The following ASIC2 variants were observed in gnomAD, a reference collection of about 807,000 sequenced individuals.
The protein encoded by ASIC2 is acid sensing ion channel subunit 2, also known as acid-sensing ion channel 2.
A neutral mutation model predicts 57.3 loss-of-function variants in ASIC2; 25 were observed. The observed-to-expected ratio is 0.44, with a 90% confidence interval of 0.32 to 0.61. The LOEUF is 0.61. Among genes scored for constraint, ASIC2 ranks in the 20% least tolerant of loss-of-function variants. ASIC2 has a pLI of 0.06. For synonymous variants in ASIC2, 319 were observed against 307.5 expected, an observed-to-expected ratio of 1.04 and a Z score of -0.39; for missense variants, 641 against 738.1, an observed-to-expected ratio of 0.87 and a Z score of 1.52.
chr17:33,929,228 C>T (rs772361345), intron 1 of ASIC2, among the ~76,000 whole-genome samples: 17 of 152,126 alleles, frequency 1.1e-4, no homozygotes, highest in Non-Finnish European at 7.3e-5. Context: ...CCAGTTAGCT[C>T]GCCAGCCCCT....
At position 33,285,786 on chromosome 17, in the gene ASIC2, A is replaced by G. The variant is rs138290428; in HGVS notation, c.708+5622T>C. ...ATGCTCCCAGCACTGCAGTTCACCC[A>G]TTTATAAAATGTAGATTTTCACACA... On this transcript the variant is annotated intron_variant, in intron 1 of 9. Transcript: ENST00000225823. 5.7e-3 allele frequency among the ~76,000 whole-genome samples: 868 copies of G among 152,340 alleles called. 8 individuals are homozygous for G. The highest frequency in any genetic ancestry group is 0.02 in the African/African-American group (842 of 41,586).
At chr17:33,679,905 C>A (rs1296360570) in intron 1 of ASIC2, among the ~76,000 whole-genome samples, 1 of 152,104 alleles carries the variant, frequency 6.6e-6, no homozygotes, top group African/African-American at 2.4e-5. Context: ...GGCTCATGGT[C>A]TCTAGAAAAC....
intron 1 of ASIC2, among the ~76,000 whole-genome samples, chr17:33,722,301 C>T (rs908130696): frequency 3.3e-5 from 5 of 152,194 alleles, no homozygotes; most frequent in African/African-American, 9.7e-5. Context: ...GATTGTGAGG[C>T]CTCCCCAGCC....
chr17:33,459,302 C>T (rs982624715), intron 1 of ASIC2, among the ~76,000 whole-genome samples: 4 of 151,986 alleles, frequency 2.6e-5, no homozygotes, highest in Non-Finnish European at 5.9e-5. Context: ...GTGTGGTTGC[C>T]GAGTACTGTG....
chr17:33,298,183 G>A (rs1474310533), upstream of ASIC2, among the ~76,000 whole-genome samples: 1 of 151,870 alleles, frequency 6.6e-6, no homozygotes, highest in Admixed American at 6.6e-5. Flanking sequence ...TGTTACATAC[G>A]TATACATGTG....
rs187022666 is a variant in ASIC2 at position 33,881,748 on chromosome 17, G to T, written c.555+274230C>A. On this transcript the variant is annotated intron_variant, in intron 1 of 9. Transcript: ENST00000359872. Reference sequence around the variant, plus strand: ...GCTCAATGACTTTCTTCACAGAATTGGAAAAAACTACTTTAAAGTTCATAT... The same window carrying T: ...GCTCAATGACTTTCTTCACAGAATTTGAAAAAACTACTTTAAAGTTCATAT... Among the ~76,000 whole-genome samples the T allele has an allele frequency of 2.4e-3, 332 of 139,938 alleles. 1 individual carries two copies. Among genetic ancestry groups the T allele is most frequent in the African/African-American group, 8.2e-3 (307 of 37,516 alleles). The allele number at this position is 139,938 out of a possible 152,430, so 91.8% of individuals were successfully genotyped here.
intron 1 of ASIC2, among the ~76,000 whole-genome samples, chr17:33,378,744 G>A (rs1481496396): frequency 6.6e-6 from 1 of 152,218 alleles, no homozygotes; most frequent in South Asian, 2.1e-4. Flanking sequence ...TCATATCAGT[G>A]GATGTTTCTA....
chr17:33,806,111 A>C lies in ASIC2; in HGVS notation c.555+349867T>G, dbSNP rs866419258. On this transcript the variant is annotated intron_variant, in intron 1 of 9. Coordinates refer to the ASIC2 transcript ENST00000359872. ...CAGCGAAACACCGGAAAGCACCCAC[A>C]TTCATACTCAAGAATTTATCACACA... Among the ~76,000 whole-genome samples the C allele has an allele frequency of 2.0e-5, 3 of 152,270 alleles. No homozygotes were observed. In the South Asian group the frequency reaches 6.2e-4, roughly 32 times the overall value.
intron 1 of ASIC2, among the ~76,000 whole-genome samples, chr17:33,933,545 T>C (rs565213595): frequency 6.6e-6 from 1 of 152,324 alleles, no homozygotes; most frequent in South Asian, 2.1e-4. Context: ...TTTCAGCGAC[T>C]GCACCGAGCT....
chr17:33,109,790 C>T (rs1438563344), intron 2 of ASIC2, among the ~76,000 whole-genome samples: 2 of 152,206 alleles, frequency 1.3e-5, no homozygotes, highest in Non-Finnish European at 2.9e-5. Flanking sequence ...CTTGGTTCAG[C>T]TATGAACTCA....
At chr17:33,033,557 C>T (rs888855421) in intron 3 of ASIC2, among the ~76,000 whole-genome samples, 5 of 152,232 alleles carry the variant, frequency 3.3e-5, no homozygotes, top group African/African-American at 1.2e-4. Flanking sequence ...AAGGGACCAC[C>T]CCAACCCATC....
chr17:33,719,162 C>T (rs1909309574), intron 1 of ASIC2, among the ~76,000 whole-genome samples: 1 of 152,164 alleles, frequency 6.6e-6, no homozygotes, highest in Non-Finnish European at 1.5e-5. Context: ...AGACCCTTGT[C>T]TGGGTGGGAG....
At chr17:33,749,968 G>A (rs2142103731) in intron 1 of ASIC2, among the ~76,000 whole-genome samples, 1 of 152,216 alleles carries the variant, frequency 6.6e-6, no homozygotes, top group South Asian at 2.1e-4. Flanking sequence ...CTGCCAGGCG[G>A]GACCTCAGTT....
chr17:33,927,217 C>T (rs1368283584), intron 1 of ASIC2, among the ~76,000 whole-genome samples: 1 of 152,200 alleles, frequency 6.6e-6, no homozygotes, highest in African/African-American at 2.4e-5. Context: ...GCATGACCCA[C>T]TGTGCCTAGC....
chr17:33,025,762 C>T (rs2091856427), intron 5 of ASIC2, among the ~76,000 whole-genome samples, 164 bp downstream of exon 5: 1 of 152,078 alleles, frequency 6.6e-6, no homozygotes, highest in Admixed American at 6.6e-5. Context: ...TCCTCTCCAT[C>T]TCCCTCTCCC....
intron 1 of ASIC2, among the ~76,000 whole-genome samples, chr17:33,754,880 C>A (rs915938623): frequency 1.4e-5 from 2 of 143,070 alleles, no homozygotes; most frequent in Non-Finnish European, 3.0e-5. Context: ...ATGGTGTGAA[C>A]CTGGGAGGCA....
At chr17:33,726,123 T>G (rs1909552529) in intron 1 of ASIC2, among the ~76,000 whole-genome samples, 1 of 152,158 alleles carries the variant, frequency 6.6e-6, no homozygotes, top group Non-Finnish European at 1.5e-5. Context: ...TCCATTTGAA[T>G]TTTGTGCTCT....
At chr17:33,601,480 C>T (rs1331109658) in intron 1 of ASIC2, among the ~76,000 whole-genome samples, 1 of 152,230 alleles carries the variant, frequency 6.6e-6, no homozygotes, top group Non-Finnish European at 1.5e-5. Context: ...CGTACTCCTG[C>T]TTCAGAGGTA....
At chr17:33,072,419 T>C (rs1468965627) in intron 3 of ASIC2, among the ~76,000 whole-genome samples, 2 of 151,996 alleles carry the variant, frequency 1.3e-5, no homozygotes, top group East Asian at 3.9e-4. Context: ...CCATCATTCG[T>C]CCAGGCCATC....
Sources: allele counts gnomAD v4.1 joint callset (sites outside exome capture counted in the v4.1 genomes callset), GRCh38; gene constraint gnomAD v4.1.1; transcripts MANE v1.5; gene names NCBI Gene and HGNC (gene_info 2026-07-23, HGNC 2026-07-21).